Variants in SPMIP3 observed in about 807,000 individuals in gnomAD.
SPMIP3 encodes the protein protein SPMIP3.
chr1:244,353,000 G>T, the SPMIP3 span, among the ~76,000 whole-genome samples: 2 of 151,926 alleles, frequency 1.3e-5, no homozygotes, highest in African/African-American at 4.8e-5. Context: ...TAAGATAATT[G>T]GTTCTCTGTG....
the SPMIP3 span, among the ~76,000 whole-genome samples, chr1:244,388,101 G>C: frequency 4.0e-5 from 6 of 151,288 alleles, no homozygotes; most frequent in Non-Finnish European, 8.8e-5. Flanking sequence ...CTAATTTTGT[G>C]TATTTTTAGT....
At chr1:244,367,413 G>A in the SPMIP3 span, among the ~76,000 whole-genome samples, 28 of 152,174 alleles carry the variant, frequency 1.8e-4, no homozygotes, top group African/African-American at 5.6e-4. Context: ...AGGGGTGGCC[G>A]TGGGCTGGAG....
chr1:244,363,894 G>A, the SPMIP3 span, among the ~76,000 whole-genome samples: 1 of 152,182 alleles, frequency 6.6e-6, no homozygotes, highest in Admixed American at 6.5e-5. Flanking sequence ...AGCAAGTACA[G>A]CCGATGCAAG....
the SPMIP3 span, among the ~76,000 whole-genome samples, chr1:244,386,264 G>A: frequency 1.3e-5 from 2 of 152,064 alleles, no homozygotes; most frequent in Non-Finnish European, 2.9e-5. Flanking sequence ...TCAGCAAGGT[G>A]GTTAAAGTTT....
At chr1:244,389,075 G>A in the SPMIP3 span, 3 of 1,600,600 alleles carry the variant, frequency 1.9e-6, no homozygotes, top group Non-Finnish European at 2.6e-6. Context: ...AATAACCACG[G>A]CATTCGAACA....
At chr1:244,358,559 T>C in the SPMIP3 span, among the ~76,000 whole-genome samples, 1 of 146,722 alleles carries the variant, frequency 6.8e-6, no homozygotes, top group Non-Finnish European at 1.5e-5. Context: ...TATTCCAGCC[T>C]AAGTGATAGA....
chr1:244,354,516 C>T, the SPMIP3 span, among the ~76,000 whole-genome samples: 25 of 152,074 alleles, frequency 1.6e-4, no homozygotes, highest in African/African-American at 5.5e-4. Context: ...CCACCACACC[C>T]GGATAATTTG....
chr1:244,386,978 C>T, the SPMIP3 span, among the ~76,000 whole-genome samples: 1 of 152,168 alleles, frequency 6.6e-6, no homozygotes, highest in Non-Finnish European at 1.5e-5. Flanking sequence ...ATGTAATAAA[C>T]TCTAATATTC....
the SPMIP3 span, chr1:244,378,479 C>T: frequency 4.3e-6 from 7 of 1,612,944 alleles, no homozygotes; most frequent in Non-Finnish European, 5.1e-6. Context: ...CGCTCATAGA[C>T]TTGACAATTC....
At chr1:244,361,235 C>CTTTTTTTTT in the SPMIP3 span, among the ~76,000 whole-genome samples, 71,218 of 117,092 alleles carry the variant, frequency 0.61, 22,357 homozygotes, top group South Asian at 0.73. Flanking sequence ...TTCTTTCTTT[C>CTTTTTTTTT]TTTTTTTTTT....
At chr1:244,379,315 G>A in the SPMIP3 span, among the ~76,000 whole-genome samples, 3 of 150,646 alleles carry the variant, frequency 2.0e-5, no homozygotes, top group East Asian at 5.9e-4. Flanking sequence ...AATCCTCCTG[G>A]CTTAGTCTCC....
At chr1:244,373,784 T>G in the SPMIP3 span, among the ~76,000 whole-genome samples, 2 of 151,922 alleles carry the variant, frequency 1.3e-5, no homozygotes, top group African/African-American at 4.8e-5. Context: ...GTCTTATAAC[T>G]ATAATATAAA....
chr1:244,383,425 G>A, the SPMIP3 span, among the ~76,000 whole-genome samples: 1 of 152,154 alleles, frequency 6.6e-6, no homozygotes, highest in Non-Finnish European at 1.5e-5. Flanking sequence ...CAGGAGGACT[G>A]CTTGAGCCCA....
At chr1:244,383,302 A>G in the SPMIP3 span, among the ~76,000 whole-genome samples, 3 of 152,150 alleles carry the variant, frequency 2.0e-5, no homozygotes, top group African/African-American at 7.2e-5. Flanking sequence ...GCTTGAGGAC[A>G]GGAGTTTGAG....
chr1:244,375,743 C>T, the SPMIP3 span, among the ~76,000 whole-genome samples: 1 of 152,148 alleles, frequency 6.6e-6, no homozygotes, highest in Admixed American at 6.5e-5. Context: ...TGCCTCACCA[C>T]AACCTCCACC....
chr1:244,377,211 C>T, the SPMIP3 span, among the ~76,000 whole-genome samples: 1 of 151,890 alleles, frequency 6.6e-6, no homozygotes, highest in African/African-American at 2.4e-5. Context: ...AAGCTCCGCC[C>T]CCCGGGTTCA....
chr1:244,389,546 C>T, the SPMIP3 span: 1 of 152,748 alleles, frequency 6.5e-6, no homozygotes, highest in Non-Finnish European at 1.5e-5. Flanking sequence ...AGTCTGTGTC[C>T]AGGAGTTAGC....
At chr1:244,373,838 G>A in the SPMIP3 span, among the ~76,000 whole-genome samples, 1 of 152,082 alleles carries the variant, frequency 6.6e-6, no homozygotes, top group Non-Finnish European at 1.5e-5. Context: ...TTCTGGCCGG[G>A]TGCAGTGGCT....
chr1:244,372,023 G>A, the SPMIP3 span, among the ~76,000 whole-genome samples: 4 of 152,166 alleles, frequency 2.6e-5, no homozygotes, highest in African/African-American at 9.7e-5. Flanking sequence ...GACAGAACTC[G>A]CCCTGCTCAG....
Sources: gnomAD v4.1 joint callset for allele counts (sites outside exome capture counted in the v4.1 genomes callset) on GRCh38, gnomAD v4.1.1 for gene constraint, MANE v1.5 for transcripts, NCBI Gene and HGNC (gene_info 2026-07-23, HGNC 2026-07-21) for gene names.